KCND3: variants seen among roughly 807,000 people sequenced by gnomAD.
The protein encoded by KCND3 is potassium voltage-gated channel subfamily D member 3, also known as A-type voltage-gated potassium channel KCND3.
A neutral mutation model predicts 51.1 loss-of-function variants in KCND3; 9 were observed. The ratio of observed to expected loss-of-function variants is 0.18; its 90% CI spans 0.11 to 0.31. The LOEUF (loss-of-function observed/expected upper bound fraction) is 0.31. Ranked by LOEUF, KCND3 falls within the 10% of genes least tolerant of loss-of-function variation. KCND3 has a pLI of 1.00. For synonymous variants in KCND3, 349 were observed against 368.0 expected (o/e 0.95, Z 0.59); for missense variants, 526 against 903.8 (o/e 0.58, Z 5.36).
intron 2 of KCND3, among the ~76,000 whole-genome samples, chr1:111,807,116 C>A (rs1246440879): frequency 6.6e-6 from 1 of 152,064 alleles, no homozygotes; most frequent in Non-Finnish European, 1.5e-5. Context: ...ATACACTGAC[C>A]AGCACAGAGT....
At chr1:111,827,608 T>A (rs1260668069) in intron 2 of KCND3, among the ~76,000 whole-genome samples, 1 of 152,200 alleles carries the variant, frequency 6.6e-6, no homozygotes, top group Non-Finnish European at 1.5e-5. Context: ...GAACTTTACA[T>A]GTAAAGATCT....
intron 2 of KCND3, among the ~76,000 whole-genome samples, chr1:111,838,454 G>A (rs1557969382): frequency 1.3e-5 from 2 of 152,076 alleles, no homozygotes; most frequent in African/African-American, 2.4e-5. Flanking sequence ...TCAGGAGTTC[G>A]AGACCAGCCT....
chr1:111,898,385 A>G (rs1365121683), intron 2 of KCND3, among the ~76,000 whole-genome samples: 3 of 152,088 alleles, frequency 2.0e-5, no homozygotes, highest in African/African-American at 7.2e-5. Context: ...GTACCTCCAC[A>G]TGCCTGGCAC....
chr1:111,868,194 G>T (rs1668662843), intron 2 of KCND3, among the ~76,000 whole-genome samples: 1 of 152,174 alleles, frequency 6.6e-6, no homozygotes, highest in South Asian at 2.1e-4. Flanking sequence ...GTCGTGGGCT[G>T]CTCTGAGTGG....
chr1:111,776,950 C>T (rs559723424), intron 7 of KCND3, 76 bp downstream of exon 7: 18 of 1,603,592 alleles, frequency 1.1e-5, no homozygotes, highest in African/African-American at 2.7e-5. Flanking sequence ...TCAAGGTTCT[C>T]CTAATGCTGC....
intron 2 of KCND3, among the ~76,000 whole-genome samples, chr1:111,957,535 C>A (rs1304679169): frequency 6.6e-6 from 1 of 151,980 alleles, no homozygotes; most frequent in Non-Finnish European, 1.5e-5. Flanking sequence ...CTTTTCTGTT[C>A]CAAGTTCCAC....
intron 2 of KCND3, among the ~76,000 whole-genome samples, chr1:111,907,270 C>G (rs1258088482): frequency 6.6e-6 from 1 of 152,202 alleles, no homozygotes; most frequent in Non-Finnish European, 1.5e-5. Flanking sequence ...TATGTGTGTA[C>G]AAAATAACAA....
chr1:111,849,970 C>G (rs1042599327), intron 2 of KCND3, among the ~76,000 whole-genome samples: 2 of 152,136 alleles, frequency 1.3e-5, no homozygotes, highest in Non-Finnish European at 2.9e-5. Flanking sequence ...TCCATCGGAT[C>G]TCCCTGCCTG....
At chr1:111,852,837 G>A (rs1433978395) in intron 2 of KCND3, among the ~76,000 whole-genome samples, 1 of 152,184 alleles carries the variant, frequency 6.6e-6, no homozygotes, top group Non-Finnish European at 1.5e-5. Flanking sequence ...AGGTGGGCTT[G>A]CCTAGTGGTG....
intron 2 of KCND3, among the ~76,000 whole-genome samples, chr1:111,932,026 T>C (rs1467070384): frequency 1.3e-5 from 2 of 152,240 alleles, no homozygotes; most frequent in Admixed American, 1.3e-4. Context: ...GGTTAGCCCT[T>C]GGCTTGTGGC....
intron 2 of KCND3, among the ~76,000 whole-genome samples, chr1:111,868,874 A>G (rs1188628583): frequency 1.3e-5 from 2 of 152,136 alleles, no homozygotes; most frequent in Non-Finnish European, 2.9e-5. Flanking sequence ...TCTCCCGAGT[A>G]GCCGGATTAC....
Position 111,981,604 on chromosome 1 carries a change from C to A in KCND3, c.1106+17G>T, listed in dbSNP as rs760906996. Reference sequence around the variant, plus strand: ...CTCCAACCTCCGTCCTGGTTTCATCCACCAGCGCTGACTTACCCCAGTGTG... The same window carrying A: ...CTCCAACCTCCGTCCTGGTTTCATCAACCAGCGCTGACTTACCCCAGTGTG... On this transcript the variant is annotated intron_variant, in intron 2 of 7. Transcript: ENST00000302127. The surrounding 1 kb of genome is among the most constrained non-coding windows in gnomAD (Gnocchi z 6.2). The A allele has an allele frequency of 6.2e-7, 1 of 1,614,070 alleles. No individual in the cohort carries two copies. The highest frequency in any genetic ancestry group is 8.5e-7 in the Non-Finnish European group (1 of 1,179,974).
At chr1:111,861,962 C>T (rs551561858) in intron 2 of KCND3, among the ~76,000 whole-genome samples, 32 of 152,306 alleles carry the variant, frequency 2.1e-4, no homozygotes, top group African/African-American at 7.5e-4. Flanking sequence ...CCCACATCAT[C>T]CACAGAGCTA....
chr1:111,861,056 T>C (rs1668314989), intron 2 of KCND3, among the ~76,000 whole-genome samples: 1 of 151,992 alleles, frequency 6.6e-6, no homozygotes, highest in African/African-American at 2.4e-5. Flanking sequence ...GCAGAGCTCC[T>C]CTCACCATCT....
At position 111,954,289 on chromosome 1, in the gene KCND3, T is replaced by C. The variant is rs1342875356; in HGVS notation, c.1106+27332A>G. Among the ~76,000 whole-genome samples the C allele has an allele frequency of 2.6e-5, 4 of 152,148 alleles. 1 individual carries two copies. The East Asian group carries it at 5.8e-4, about 22-fold the overall frequency. On this transcript the variant is annotated intron_variant, in intron 2 of 7. Coordinates refer to ENST00000302127, the MANE Select transcript of KCND3 (RefSeq NM_001378969.1). ...CTTCCTGTTGGGACCCTTAATGACA[T>C]AGAGGAAAGGGACGAGGAGCTAACT...
chr1:111,942,834 G>C (rs1255347631), intron 2 of KCND3, among the ~76,000 whole-genome samples: 1 of 152,154 alleles, frequency 6.6e-6, no homozygotes, highest in Non-Finnish European at 1.5e-5. Context: ...TGAGGCTCTG[G>C]CTCCATTTAA....
chr1:111,835,441 G>A (rs999556238), intron 2 of KCND3, among the ~76,000 whole-genome samples: 3 of 152,170 alleles, frequency 2.0e-5, no homozygotes, highest in African/African-American at 7.2e-5. Flanking sequence ...TTCCCAGGGG[G>A]TTAGGCATTC....
chr1:111,911,913 G>C lies in KCND3; in HGVS notation c.1106+69708C>G, dbSNP rs996360712. ...CCTACTGCCTGCATCGGATTTCCAG[G>C]CTGCAGCACAGGGAAGGGGAGCCAA... On this transcript the variant is annotated intron_variant, in intron 2 of 7. Transcript: ENST00000302127. 1.8e-4 allele frequency among the ~76,000 whole-genome samples: 28 copies of C among 152,186 alleles called. 1 individual carries two copies. Among genetic ancestry groups the C allele is most frequent in the Non-Finnish European group, 2.9e-4 (20 of 68,042 alleles).
chr1:111,830,439 C>T (rs930106208), intron 2 of KCND3, among the ~76,000 whole-genome samples: 20 of 152,126 alleles, frequency 1.3e-4, no homozygotes, highest in Non-Finnish European at 2.9e-4. Context: ...ATATCTTAAG[C>T]CAGTGGTTTT....
Sources: gnomAD v4.1 joint callset for allele counts (sites outside exome capture counted in the v4.1 genomes callset) on GRCh38, gnomAD v4.1.1 for gene constraint, Gnocchi (gnomAD v3.1) non-coding constraint, MANE v1.5 for transcripts, NCBI Gene and HGNC (gene_info 2026-07-23, HGNC 2026-07-21) for gene names.